CENPV: variants seen among roughly 807,000 people sequenced by gnomAD.
CENPV encodes the protein nuclear protein p30.
CENPV carries 15 observed loss-of-function variants against 26.4 expected under a neutral mutation model. The observed-to-expected ratio is 0.57, with a 90% CI of 0.38 to 0.88. The LOEUF is 0.88. CENPV is among the 40% of genes least tolerant of loss of function. CENPV has a pLI of 0.00. For synonymous variants in CENPV, 172 were observed against 165.5 expected (o/e 1.04, Z -0.30); for missense variants, 336 against 376.5 (o/e 0.89, Z 0.89).
intron 4 of CENPV, among the ~76,000 whole-genome samples, chr17:16,343,781 T>A (rs1267878453): frequency 6.8e-6 from 1 of 147,428 alleles, no homozygotes; most frequent in Non-Finnish European, 1.5e-5. Flanking sequence ...ACCTCCCCTG[T>A]CCGCTCCCCA....
intron 1 of CENPV, among the ~76,000 whole-genome samples, chr17:16,352,568 A>C (rs575166757): frequency 6.6e-6 from 1 of 152,290 alleles, no homozygotes; most frequent in Non-Finnish European, 1.5e-5. Context: ...TGCTTCCTTC[A>C]ACGCTTCTAC....
intron 1 of CENPV, among the ~76,000 whole-genome samples, chr17:16,350,315 G>A (rs2093223693): frequency 6.6e-6 from 1 of 151,426 alleles, no homozygotes; most frequent in South Asian, 2.1e-4. Flanking sequence ...CCCACCACCA[G>A]ACATTTTTAT....
At chr17:16,348,548 T>C in intron 3 of CENPV, 68 bp downstream of exon 3, 1 of 1,601,724 alleles carries the variant, frequency 6.2e-7, no homozygotes, top group Admixed American at 1.7e-5. Flanking sequence ...TGCTAACAGT[T>C]GGGTGGGGGG....
Position 16,344,676 on chromosome 17 carries a change from A to C in CENPV, c.615T>G (p.Thr205=). Residue 205 remains threonine (T), a synonymous_variant, in exon 4 of 5, where the codon ACT becomes ACG. Transcript: ENST00000299736. Reference sequence around the variant, plus strand: ...TACAGAAGGTATGCTGGGCTTTGTGAGTATTGAACGTGTAAGTCGTTATGT... The same window carrying C: ...TACAGAAGGTATGCTGGGCTTTGTGCGTATTGAACGTGTAAGTCGTTATGT... ...AEHITTYTFN[T]HKAQHTFCKR... is the part of the protein sequence containing the mutation. The C allele has an allele frequency of 6.3e-7, 1 of 1,599,080 alleles. No homozygotes were observed. The highest frequency in any genetic ancestry group is 8.5e-7 in the Non-Finnish European group (1 of 1,173,320).
intron 4 of CENPV, among the ~76,000 whole-genome samples, chr17:16,343,734 C>A (rs1309191658): frequency 2.0e-5 from 3 of 151,954 alleles, no homozygotes; most frequent in Non-Finnish European, 2.9e-5. Context: ...AATGGGGGAG[C>A]GGTAAGGATG....
intron 4 of CENPV, among the ~76,000 whole-genome samples, chr17:16,343,471 T>C (rs2093191354): frequency 1.3e-5 from 2 of 152,200 alleles, no homozygotes; most frequent in Non-Finnish European, 2.9e-5. Context: ...TAGCTGGGAA[T>C]ACAGGCGTGC....
chr17:16,342,639 C>G lies in CENPV; in HGVS notation c.*178G>C, dbSNP rs1038771541. The stretch of plus-strand genomic sequence containing the variant: ...CATCAAAATCTGGGCAGAGGGAGGA[C>G]AAAGAGCTGCCTAAAGAAACTGGTA... On this transcript the variant is annotated 3_prime_UTR_variant, in exon 5 of 5. Transcript: ENST00000299736. The G allele has an allele frequency of 4.8e-6, 3 of 629,418 alleles. No homozygotes were observed. In the African/African-American group the frequency reaches 5.5e-5, roughly 12 times the overall value. 39.0% of individuals were successfully genotyped at this position (629,418 alleles called of 1,614,324 possible).
chr17:16,343,976 C>A (rs1311338082), intron 4 of CENPV, among the ~76,000 whole-genome samples: 1 of 152,150 alleles, frequency 6.6e-6, no homozygotes, highest in Non-Finnish European at 1.5e-5. Context: ...CCCAAGCAGG[C>A]CCTGAAGCGG....
rs537446594 is a variant in CENPV, at chr17:16,353,100, C to T, written c.337G>A (p.Glu113Lys). 1.3e-5 allele frequency: 20 copies of T among 1,568,562 alleles called. No homozygotes were observed. Among genetic ancestry groups the T allele is most frequent in the Admixed American group, 1.1e-4 (6 of 55,354 alleles). Reference sequence around the variant, plus strand: ...CGCTTCTGGAACGTCTCCCAGCGCTCCCGCTGCTCGCCCAGGTCCAGGTTG... The same window carrying T: ...CGCTTCTGGAACGTCTCCCAGCGCTTCCGCTGCTCGCCCAGGTCCAGGTTG... ...ASNLDLGEQR[E>K]RWETFQKRQK... The change falls in exon 1 of 5, where the codon GAG becomes AAG. Residue 113 changes from glutamate (E) to lysine (K), a missense_variant. Glu to Lys is a moderately conservative substitution (Grantham distance 56). Around this residue, in one of 2 missense-constraint regions of CENPV, gnomAD observed 155 missense variants for 227.8 expected, o/e 0.68. Coordinates refer to ENST00000299736, the MANE Select transcript of CENPV (RefSeq NM_181716.3).
Position 16,353,454 on chromosome 17 carries a change from G to T in CENPV, c.-18C>A. The T allele has an allele frequency of 9.0e-7, 1 of 1,106,416 alleles. No individual in the cohort carries two copies. The highest frequency in any genetic ancestry group is 1.1e-6 in the Non-Finnish European group (1 of 909,670). 68.5% of individuals were successfully genotyped at this position (1,106,416 alleles called of 1,614,324 possible). On this transcript the variant is annotated 5_prime_UTR_variant, in exon 1 of 5. Coordinates refer to ENST00000299736, the MANE Select transcript of CENPV (RefSeq NM_181716.3). ...CGCCGCATGGCTCCCGCAGCCTGGCGCGCAGGCCTCGCAGCGCGGCGCGCC... is the reference window on the plus strand; with the variant it reads ...CGCCGCATGGCTCCCGCAGCCTGGCTCGCAGGCCTCGCAGCGCGGCGCGCC...
intron 4 of CENPV, 121 bp downstream of exon 4, chr17:16,344,476 T>G: frequency 2.1e-6 from 1 of 482,294 alleles, no homozygotes; most frequent in South Asian, 5.7e-5. Flanking sequence ...GCCCTGTTCC[T>G]CTAAGATACG....
At chr17:16,352,834 G>T (rs779401519) in intron 1 of CENPV, among the ~76,000 whole-genome samples, 193 bp downstream of exon 1, 1 of 151,764 alleles carries the variant, frequency 6.6e-6, no homozygotes, top group Non-Finnish European at 1.5e-5. Context: ...AGCCCTAGAA[G>T]CACCGCCCCG....
At position 16,344,557 on chromosome 17, in the gene CENPV, C is replaced by T. The variant is rs188288727; in HGVS notation, c.694+40G>A. ...TTAAATGAGAGCACCATGGGCCTCT[C>T]TGTGTCCCCCTGAGCTTGCAGTCCA... On this transcript the variant is annotated intron_variant, in intron 4 of 4. Transcript: ENST00000299736. The T allele has an allele frequency of 7.4e-5, 92 of 1,236,666 alleles. 2 individuals are homozygous for T. The East Asian group carries it at 2.3e-3, about 31-fold the overall frequency. The allele number at this position is 1,236,666 out of a possible 1,614,324, so 76.6% of individuals were successfully genotyped here.
Position 16,342,741 on chromosome 17 carries a change from C to A in CENPV, c.*76G>T. 1 of 1,584,552 alleles carries A rather than the reference C, an allele frequency of 6.3e-7. No individual in the cohort carries two copies. The highest frequency in any genetic ancestry group is 8.6e-7 in the Non-Finnish European group (1 of 1,156,238). On this transcript the variant is annotated 3_prime_UTR_variant, in exon 5 of 5. Transcript: ENST00000299736. ...CCCAGGTCAGCCACATTCAGGAGCA[C>A]CACCGAGGCACGGCAGGGAGAGCAA...
intron 1 of CENPV, among the ~76,000 whole-genome samples, chr17:16,352,452 G>C (rs913609045): frequency 4.6e-5 from 7 of 151,996 alleles, no homozygotes; most frequent in African/African-American, 1.7e-4. Flanking sequence ...GCATCTCTTC[G>C]CGCGCGCTTC....
In CENPV at chr17:16,353,059, G is replaced by C. The variant is rs774764894; in HGVS notation, c.378C>G (p.Ser126=). The C allele has an allele frequency of 6.3e-7, 1 of 1,578,982 alleles. No individual in the cohort carries two copies. The highest frequency in any genetic ancestry group is 1.7e-5 in the Admixed American group (1 of 57,204). Residue 126 remains serine, a synonymous_variant, in exon 1 of 5, where the codon TCC becomes TCG. Transcript: ENST00000299736. ...CTAGCAGGAGCTTGGCGGCACCCTC[G>C]GAGGTAAGCTTCTGCCGCTTCTGGA... ...ETFQKRQKLT[S]EGAAKLLLDT... is the part of the protein sequence containing the mutation.
intron 3 of CENPV, among the ~76,000 whole-genome samples, chr17:16,345,680 G>C (rs1355524808): frequency 6.6e-6 from 1 of 152,132 alleles, no homozygotes; most frequent in Admixed American, 6.6e-5. Context: ...TGTCAGTCTG[G>C]AGCGTGACAG....
rs1342975514 is a variant in CENPV, at chr17:16,342,665, G to C, written c.*152C>G. ...AAAGAGCTGCCTAAAGAAACTGGTA[G>C]CTGGAGCAAACTGCAGAGATCAAGA... On this transcript the variant is annotated 3_prime_UTR_variant, in exon 5 of 5. Transcript: ENST00000299736. 3.7e-6 allele frequency: 3 copies of C among 801,146 alleles called. No homozygotes were observed. The highest frequency in any genetic ancestry group is 5.9e-6 in the Non-Finnish European group (3 of 508,314). The allele number at this position is 801,146 out of a possible 1,614,324, so 49.6% of individuals were successfully genotyped here.
chr17:16,344,136 C>T (rs966873206), intron 4 of CENPV, among the ~76,000 whole-genome samples: 3 of 151,968 alleles, frequency 2.0e-5, no homozygotes, highest in South Asian at 2.1e-4. Context: ...TGTGAGCCAC[C>T]GCAGCCAGCC....
Sources: gnomAD v4.1 joint callset for allele counts (sites outside exome capture counted in the v4.1 genomes callset) on GRCh38, gnomAD v4.1.1 for gene constraint, gnomAD v4.1.1 regional missense constraint, MANE v1.5 for transcripts, NCBI Gene and HGNC (gene_info 2026-07-23, HGNC 2026-07-21) for gene names.